Variants in TNS3 observed in about 807,000 individuals in gnomAD.
TNS3 encodes tensin 3.
In TNS3, 45 loss-of-function variants were observed where a neutral mutation model predicts 140.9. The ratio of observed to expected loss-of-function variants is 0.32; its 90% confidence interval spans 0.25 to 0.41. The LOEUF (loss-of-function observed/expected upper bound fraction) is 0.41, where lower values mean the gene tolerates loss of function less well. Ranked by LOEUF, TNS3 falls within the 10% of genes least tolerant of loss-of-function variation. The probability of loss-of-function intolerance (pLI) is 1.00; values close to 1 mark genes in which losing one functional copy is unlikely to be tolerated. For missense variants in TNS3, 1,716 were observed against 1,906.7 expected, an observed-to-expected ratio of 0.90 and a Z score of 1.86; for synonymous variants, 815 against 788.4, an observed-to-expected ratio of 1.03 and a Z score of -0.56.
At chr7:47,347,395 CAGGAATGCAA>C (rs1789406061) in intron 17 of TNS3, among the ~76,000 whole-genome samples, 2 of 152,250 alleles carry the variant, frequency 1.3e-5, no homozygotes, top group Admixed American at 1.3e-4. Flanking sequence ...CAGAAGCTCA[CAGGAATGCAA>C]AGGTCGGCAT....
At chr7:47,460,007 G>A (rs115998584) in intron 4 of TNS3, among the ~76,000 whole-genome samples, 2,944 of 152,102 alleles carry the variant, frequency 0.019, 89 homozygotes, top group African/African-American at 0.067. Context: ...TTTATAAAAA[G>A]AGGAGATTAT....
At chr7:47,316,089 ACTATTTCTCTCT>A (rs1787379337) in intron 20 of TNS3, among the ~76,000 whole-genome samples, 2 of 70,718 alleles carry the variant, frequency 2.8e-5, no homozygotes, top group African/African-American at 5.2e-5. Flanking sequence ...CACCTAACTA[ACTATTTCTCTCT>A]CTCTCTCTCT....
At chr7:47,517,728 C>T (rs924499082) in intron 2 of TNS3, among the ~76,000 whole-genome samples, 8 of 152,104 alleles carry the variant, frequency 5.3e-5, no homozygotes, top group African/African-American at 1.9e-4. Context: ...TCAACAGGAA[C>T]CGTGGATTCA....
chr7:47,342,693 C>T (rs750834239), intron 20 of TNS3, among the ~76,000 whole-genome samples: 16 of 152,190 alleles, frequency 1.1e-4, no homozygotes, highest in Non-Finnish European at 1.9e-4. Flanking sequence ...TCAACTTCTT[C>T]GTGTCAATTT....
intron 3 of TNS3, among the ~76,000 whole-genome samples, chr7:47,493,282 TG>T: frequency 6.6e-6 from 1 of 152,318 alleles, no homozygotes; most frequent in South Asian, 2.1e-4. Context: ...CATTGCAGAA[TG>T]GCATATCAAA....
intron 16 of TNS3, among the ~76,000 whole-genome samples, chr7:47,389,729 C>A (rs1360899677): frequency 2.6e-5 from 4 of 152,260 alleles, no homozygotes; most frequent in Non-Finnish European, 5.9e-5. Context: ...CCAGGCCACT[C>A]TCTCAGGTGA....
chr7:47,490,890 C>A (rs1282684649), intron 3 of TNS3, among the ~76,000 whole-genome samples: 2 of 152,198 alleles, frequency 1.3e-5, no homozygotes, highest in Non-Finnish European at 2.9e-5. Flanking sequence ...ATGCGCACAG[C>A]CCCAGCATGC....
chr7:47,579,745 G>T, intron 1 of TNS3: 3 of 584,484 alleles, frequency 5.1e-6, no homozygotes, highest in Non-Finnish European at 4.3e-6. Context: ...GAATTTACTT[G>T]GTATTTTACT....
At chr7:47,300,895 G>T (rs554060343) in intron 23 of TNS3, among the ~76,000 whole-genome samples, 2 of 152,246 alleles carry the variant, frequency 1.3e-5, no homozygotes, top group Non-Finnish European at 2.9e-5. Flanking sequence ...TCAGGGAAAT[G>T]AAGGTCTTTC....
rs192737590 is a variant in TNS3 at position 47,506,838 on chromosome 7, C to G, written c.-115+69G>C. On this transcript the variant is annotated intron_variant, in intron 3 of 30. Coordinates refer to ENST00000311160, the MANE Select transcript of TNS3 (RefSeq NM_022748.12). ...TGGCTGCAGTCCAAAGAGGCCCCCCCACACATATCATTCAATGAAGGCCAA... is the reference window on the plus strand; with the variant it reads ...TGGCTGCAGTCCAAAGAGGCCCCCCGACACATATCATTCAATGAAGGCCAA... 115 of 1,194,858 alleles carry G rather than the reference C, an allele frequency of 9.6e-5. No individual in the cohort carries two copies. In the African/African-American group the frequency reaches 1.0e-3, roughly 11 times the overall value. The allele number at this position is 1,194,858 out of a possible 1,614,324, so 74.0% of individuals were successfully genotyped here. A position where few individuals can be genotyped will look rare whatever the true frequency, so the allele number is the denominator to read the frequency against.
chr7:47,447,205 A>G (rs1795787006), intron 4 of TNS3, among the ~76,000 whole-genome samples: 1 of 152,138 alleles, frequency 6.6e-6, no homozygotes. Context: ...TCCTCAGATA[A>G]AAAATTAGAT....
At chr7:47,536,922 C>T (rs1263974863) in intron 1 of TNS3, among the ~76,000 whole-genome samples, 1 of 152,170 alleles carries the variant, frequency 6.6e-6, no homozygotes, top group African/African-American at 2.4e-5. Context: ...ACCAGCACAG[C>T]GTCCACGGGC....
intron 3 of TNS3, among the ~76,000 whole-genome samples, chr7:47,503,802 G>T (rs769705654): frequency 4.6e-5 from 7 of 152,116 alleles, no homozygotes; most frequent in African/African-American, 7.2e-5. Flanking sequence ...CAAGATCAAG[G>T]CACCAGCAGA....
chr7:47,457,745 G>A (rs1180943434), intron 4 of TNS3, among the ~76,000 whole-genome samples: 4 of 152,210 alleles, frequency 2.6e-5, no homozygotes, highest in Non-Finnish European at 5.9e-5. Context: ...GAGGCAGAGC[G>A]TATTACAGTT....
intron 27 of TNS3, among the ~76,000 whole-genome samples, chr7:47,289,506 T>C (rs1323152264): frequency 6.6e-6 from 1 of 152,178 alleles, no homozygotes; most frequent in Non-Finnish European, 1.5e-5. Flanking sequence ...CATCTAATGC[T>C]GCAAAAGTAA....
intron 1 of TNS3, among the ~76,000 whole-genome samples, chr7:47,536,759 G>A (rs905139990): frequency 6.6e-6 from 1 of 152,258 alleles, no homozygotes. Flanking sequence ...ACGCACCCAC[G>A]AGGACTCAGG....
At chr7:47,415,034 A>G in intron 11 of TNS3, 60 bp downstream of exon 11, 1 of 1,318,156 alleles carries the variant, frequency 7.6e-7, no homozygotes, top group Middle Eastern at 2.1e-4. Flanking sequence ...TGAGGGGCCC[A>G]GGACCAGCTC....
At chr7:47,295,447 T>C (rs1785954565) in intron 24 of TNS3, among the ~76,000 whole-genome samples, 1 of 152,222 alleles carries the variant, frequency 6.6e-6, no homozygotes, top group African/African-American at 2.4e-5. Context: ...CCATCATCAT[T>C]ATTCAGTTTC....
In TNS3 at chr7:47,322,778, G is replaced by A. The variant is rs144822500; in HGVS notation, c.2651-17775C>T. Among the ~76,000 whole-genome samples, 555 of 152,258 alleles carry A rather than the reference G, an allele frequency of 3.6e-3. 2 individuals are homozygous for A. The highest frequency in any genetic ancestry group is 6.8e-3 in the Middle Eastern group (2 of 294). ...CTGGAGACCCCGCAGAATCACAGAA[G>A]CCCTACCCGGGGCATGAAGCCCTCT... On this transcript the variant is annotated intron_variant, in intron 20 of 30. Transcript: ENST00000311160.
Sources: gnomAD v4.1 joint callset for allele counts (sites outside exome capture counted in the v4.1 genomes callset) on GRCh38, gnomAD v4.1.1 for gene constraint, MANE v1.5 for transcripts, NCBI Gene and HGNC (gene_info 2026-07-23, HGNC 2026-07-21) for gene names.